R3HDM1: variants seen among roughly 807,000 people sequenced by gnomAD.
R3HDM1 encodes R3H domain-containing protein 1.
Under a neutral mutation model 141.1 loss-of-function variants are expected in R3HDM1, and 46 were observed. The ratio of observed to expected loss-of-function variants is 0.33; its 90% confidence interval spans 0.26 to 0.42. The LOEUF (loss-of-function observed/expected upper bound fraction) is 0.42, where lower values mean the gene tolerates loss of function less well. Among genes scored for constraint, R3HDM1 ranks in the 10% least tolerant of loss-of-function variants. R3HDM1 has a pLI of 1.00. For missense variants in R3HDM1, 1,184 were observed against 1,368.3 expected, an observed-to-expected ratio of 0.87 and a Z score of 2.12; for synonymous variants, 435 against 472.9, an observed-to-expected ratio of 0.92 and a Z score of 1.04.
intron 26 of R3HDM1, among the ~76,000 whole-genome samples, 159 bp from the exon 27 acceptor site, chr2:135,723,778 C>CAAAAAAAAAAAA (rs541423067): frequency 1.8e-5 from 1 of 55,320 alleles, no homozygotes; most frequent in African/African-American, 6.9e-5. Context: ...CTCCATCTCC[C>CAAAAAAAAAAAA]AAAAAAAAAA....
chr2:135,722,752 C>T (rs2076816438), intron 26 of R3HDM1, among the ~76,000 whole-genome samples, 199 bp downstream of exon 26: 1 of 152,054 alleles, frequency 6.6e-6, no homozygotes, highest in Non-Finnish European at 1.5e-5. Context: ...TGGTAAGATG[C>T]AGGTAGGTTT....
chr2:135,633,444 T>TA (rs1197612982), intron 9 of R3HDM1, among the ~76,000 whole-genome samples: 3 of 152,224 alleles, frequency 2.0e-5, no homozygotes, highest in African/African-American at 7.2e-5. Flanking sequence ...TTGAATTATA[T>TA]GAATGATGTC....
intron 1 of R3HDM1, among the ~76,000 whole-genome samples, chr2:135,543,945 G>T (rs1698155701): frequency 6.6e-6 from 1 of 152,210 alleles, no homozygotes; most frequent in African/African-American, 2.4e-5. Context: ...AAACAAGTAT[G>T]TGTTTGGAAA....
At chr2:135,684,850 C>T (rs1410626685) in intron 21 of R3HDM1, among the ~76,000 whole-genome samples, 2 of 151,900 alleles carry the variant, frequency 1.3e-5, no homozygotes, top group African/African-American at 4.8e-5. Context: ...GCAACCTTCT[C>T]CTACCAGGCT....
rs1394461578 is a variant in R3HDM1, at chr2:135,650,704, G to A, written c.1725+701G>A. 3.1e-6 allele frequency: 3 copies of A among 983,196 alleles called. No homozygotes were observed. In the Admixed American group the frequency reaches 1.8e-4, roughly 60 times the overall value. The allele number at this position is 983,196 out of a possible 1,614,324, so 60.9% of individuals were successfully genotyped here. ...ATAGTGTTAAAGTGTCAAAGTGACA[G>A]TTGGGGAAGAGAAAAACCATATATT... On this transcript the variant is annotated intron_variant, in intron 17 of 26. Transcript: ENST00000683871.
intron 3 of R3HDM1, 109 bp from the exon 4 acceptor site, chr2:135,616,043 T>C: frequency 2.8e-6 from 3 of 1,053,562 alleles, no homozygotes; most frequent in Non-Finnish European, 4.1e-6. Context: ...TTTCCTCACT[T>C]TTCATACTTT....
intron 21 of R3HDM1, among the ~76,000 whole-genome samples, chr2:135,706,563 G>A (rs959766320): frequency 3.3e-5 from 5 of 152,016 alleles, no homozygotes; most frequent in Admixed American, 6.6e-5. Flanking sequence ...CTTGAGATTA[G>A]GGAGTGGTGA....
chr2:135,592,921 C>CT (rs925072969), intron 1 of R3HDM1, among the ~76,000 whole-genome samples: 31 of 148,352 alleles, frequency 2.1e-4, no homozygotes, highest in South Asian at 8.6e-4. Context: ...TCCGTGTAGT[C>CT]TTTTTTTTTT....
intron 7 of R3HDM1, among the ~76,000 whole-genome samples, chr2:135,629,551 A>G (rs1258465360): frequency 6.6e-6 from 1 of 152,230 alleles, no homozygotes; most frequent in African/African-American, 2.4e-5. Context: ...ACTATATATG[A>G]CAATAATTGT....
chr2:135,678,714 C>T (rs1487896530), intron 20 of R3HDM1, among the ~76,000 whole-genome samples: 1 of 150,030 alleles, frequency 6.7e-6, no homozygotes, highest in Non-Finnish European at 1.5e-5. Flanking sequence ...CTATTATTAA[C>T]GTCATCATCA....
intron 1 of R3HDM1, among the ~76,000 whole-genome samples, chr2:135,560,772 G>A (rs894051619): frequency 6.6e-6 from 1 of 152,110 alleles, no homozygotes; most frequent in East Asian, 1.9e-4. Flanking sequence ...TCCCAGTCCC[G>A]TTGCACTTAG....
intron 21 of R3HDM1, among the ~76,000 whole-genome samples, chr2:135,705,578 G>A (rs1302821879): frequency 6.6e-6 from 1 of 152,150 alleles, no homozygotes; most frequent in Non-Finnish European, 1.5e-5. Flanking sequence ...CAGTGCTTCA[G>A]TAACCTATGA....
At chr2:135,549,075 G>C (rs1194045800) in intron 1 of R3HDM1, among the ~76,000 whole-genome samples, 1 of 152,128 alleles carries the variant, frequency 6.6e-6, no homozygotes, top group Non-Finnish European at 1.5e-5. Flanking sequence ...CATTTGTATT[G>C]AAACTAGAAT....
chr2:135,702,754 T>G (rs2164918), intron 21 of R3HDM1, among the ~76,000 whole-genome samples: 20,265 of 150,178 alleles, frequency 0.13, 1,764 homozygotes, highest in East Asian at 0.36. Context: ...GAGGTGGAGG[T>G]TGCAGCGAGC....
At chr2:135,563,438 C>T (rs1292209245) in intron 1 of R3HDM1, among the ~76,000 whole-genome samples, 2 of 152,196 alleles carry the variant, frequency 1.3e-5, no homozygotes, top group Non-Finnish European at 2.9e-5. Context: ...AATTCTGCAT[C>T]AGCGTTTTTG....
chr2:135,650,078 T>C, intron 17 of R3HDM1, 75 bp downstream of exon 17: 1 of 1,079,120 alleles, frequency 9.3e-7, no homozygotes, highest in South Asian at 2.7e-5. Flanking sequence ...GTGTCATTAA[T>C]GTAATATGAT....
At chr2:135,562,030 G>C (rs1171884380) in intron 1 of R3HDM1, among the ~76,000 whole-genome samples, 1 of 152,188 alleles carries the variant, frequency 6.6e-6, no homozygotes, top group Non-Finnish European at 1.5e-5. Flanking sequence ...ATGGTCACCA[G>C]AATGTCTCAA....
At chr2:135,556,848 A>G (rs1464690157) in intron 1 of R3HDM1, among the ~76,000 whole-genome samples, 1 of 152,086 alleles carries the variant, frequency 6.6e-6, no homozygotes, top group Non-Finnish European at 1.5e-5. Context: ...AACACTTACT[A>G]GAATTCATAT....
At chr2:135,709,916 C>T (rs534840423) in intron 22 of R3HDM1, 143 bp from the exon 23 acceptor site, 4 of 796,704 alleles carry the variant, frequency 5.0e-6, no homozygotes, top group Admixed American at 5.6e-5. Flanking sequence ...TAGTGTGATG[C>T]ACTAGGGCTT....
Sources: allele counts gnomAD v4.1 joint callset (sites outside exome capture counted in the v4.1 genomes callset), GRCh38; gene constraint gnomAD v4.1.1; transcripts MANE v1.5; gene names NCBI Gene and HGNC (gene_info 2026-07-23, HGNC 2026-07-21).